The following SUMF1 variants were observed in gnomAD, a reference collection of about 807,000 sequenced individuals.
The protein encoded by SUMF1 is sulfatase modifying factor 1, also known as formylglycine-generating enzyme.
In SUMF1, 48 loss-of-function variants were observed where a neutral mutation model predicts 47.6. That is an observed-to-expected ratio of 1.01 (90% CI 0.80 to 1.28). The LOEUF (loss-of-function observed/expected upper bound fraction) is 1.28. Ranked by LOEUF, SUMF1 falls within the 50% of genes most tolerant of loss-of-function variation. SUMF1 has a pLI of 0.00. For synonymous variants in SUMF1, 230 were observed against 192.1 expected (o/e 1.20, Z -1.63); for missense variants, 571 against 485.4 (o/e 1.18, Z -1.66).
chr3:4,399,466 G>A (rs1323104593), intron 7 of SUMF1, among the ~76,000 whole-genome samples: 3 of 152,204 alleles, frequency 2.0e-5, no homozygotes, highest in Non-Finnish European at 2.9e-5. Flanking sequence ...GTGAGAAAAT[G>A]TAAAGAAGAG....
intron 9 of SUMF1, among the ~76,000 whole-genome samples, chr3:4,060,229 C>A (rs1695255335): frequency 6.6e-6 from 1 of 152,178 alleles, no homozygotes; most frequent in Non-Finnish European, 1.5e-5. Context: ...TCTGAACTTA[C>A]ATGACATCAT....
At chr3:4,081,114 T>C (rs1692550774) in intron 8 of SUMF1, among the ~76,000 whole-genome samples, 1 of 152,132 alleles carries the variant, frequency 6.6e-6, no homozygotes, top group South Asian at 2.1e-4. Context: ...ACCTCACTTT[T>C]CAACTTATGT....
At chr3:4,274,108 A>AAAACAAACAAAC (rs760051095) in intron 8 of SUMF1, among the ~76,000 whole-genome samples, 5 of 152,114 alleles carry the variant, frequency 3.3e-5, no homozygotes, top group Non-Finnish European at 5.9e-5. Context: ...AGTCATACTA[A>AAAACAAACAAAC]AAACAAACAA....
chr3:4,039,619 T>C (rs1694872305), intron 9 of SUMF1, among the ~76,000 whole-genome samples: 1 of 148,080 alleles, frequency 6.8e-6, no homozygotes. Context: ...ATCCAGTCTA[T>C]CATTGTTGGA....
chr3:4,455,828 T>C (rs527345838), intron 1 of SUMF1, among the ~76,000 whole-genome samples: 4 of 152,312 alleles, frequency 2.6e-5, no homozygotes, highest in Admixed American at 2.6e-4. Flanking sequence ...TCTCAAATTC[T>C]TCCATAAAAT....
chr3:4,168,665 C>T (rs1643870196), intron 8 of SUMF1, among the ~76,000 whole-genome samples: 1 of 152,036 alleles, frequency 6.6e-6, no homozygotes, highest in Non-Finnish European at 1.5e-5. Flanking sequence ...GGGTAAAAAT[C>T]TCTATTTTGC....
At chr3:4,175,376 C>T (rs1694936011) in intron 8 of SUMF1, among the ~76,000 whole-genome samples, 1 of 152,128 alleles carries the variant, frequency 6.6e-6, no homozygotes, top group African/African-American at 2.4e-5. Flanking sequence ...GCTGCCTCTG[C>T]TGGTGATACC....
chr3:4,347,597 G>C (rs1699399212), intron 8 of SUMF1, among the ~76,000 whole-genome samples: 1 of 152,196 alleles, frequency 6.6e-6, no homozygotes, highest in Admixed American at 6.5e-5. Flanking sequence ...GCAAAAGCTA[G>C]AAGCATTCCC....
At chr3:4,356,907 G>A (rs892445169), downstream of SUMF1, among the ~76,000 whole-genome samples, 10 of 152,178 alleles carry the variant, frequency 6.6e-5, no homozygotes, top group Non-Finnish European at 8.8e-5. Context: ...CTGTTCACAC[G>A]TCTTGCCTGG....
chr3:4,465,974 G>C (rs1320931902), intron 1 of SUMF1, among the ~76,000 whole-genome samples: 3 of 152,188 alleles, frequency 2.0e-5, no homozygotes, highest in Non-Finnish European at 2.9e-5. Flanking sequence ...ATGGGAAAAG[G>C]ATAGTGTCTG....
rs147632873 is a variant in SUMF1 at position 4,463,220 on chromosome 3, G to A, written c.270+3756C>T. ...CTAGCACTACATTAGGGCTGGGCGCGGTGGCTCACGCCTGTAATCCCAGCA... is the reference window on the plus strand; with the variant it reads ...CTAGCACTACATTAGGGCTGGGCGCAGTGGCTCACGCCTGTAATCCCAGCA... On this transcript the variant is annotated intron_variant, in intron 1 of 8. Transcript: ENST00000272902. Among the ~76,000 whole-genome samples the A allele has an allele frequency of 6.0e-3, 912 of 152,292 alleles. 2 individuals are homozygous for A. Among genetic ancestry groups the A allele is most frequent in the Non-Finnish European group, 0.011 (740 of 68,018 alleles).
intron 8 of SUMF1, among the ~76,000 whole-genome samples, chr3:4,097,226 T>C (rs927291701): frequency 6.6e-6 from 1 of 152,134 alleles, no homozygotes; most frequent in Non-Finnish European, 1.5e-5. Context: ...GCAACCTAAA[T>C]ATACCTACTG....
intron 8 of SUMF1, among the ~76,000 whole-genome samples, chr3:4,250,441 A>T (rs1559612768): frequency 6.6e-6 from 1 of 152,158 alleles, no homozygotes; most frequent in Non-Finnish European, 1.5e-5. Context: ...AAGAAGCAAG[A>T]GCGGATGGAG....
chr3:4,256,803 AC>A (rs1483899238), intron 8 of SUMF1, among the ~76,000 whole-genome samples: 1 of 150,498 alleles, frequency 6.6e-6, no homozygotes, highest in African/African-American at 2.4e-5. Flanking sequence ...CAGAGACACA[AC>A]CAAAAAAGAG....
chr3:4,273,270 T>TTTTTGC (rs1697339673), intron 8 of SUMF1, among the ~76,000 whole-genome samples: 1 of 152,066 alleles, frequency 6.6e-6, no homozygotes, highest in Non-Finnish European at 1.5e-5. Context: ...ATGGAAACAT[T>TTTTTGC]CCAAGTTCTA....
At chr3:4,044,621 G>A (rs1694973308) in intron 9 of SUMF1, among the ~76,000 whole-genome samples, 1 of 152,218 alleles carries the variant, frequency 6.6e-6, no homozygotes, top group South Asian at 2.1e-4. Context: ...CCTCAGGCTG[G>A]AAGTAAATGT....
chr3:4,327,426 G>A (rs577530474), intron 8 of SUMF1, among the ~76,000 whole-genome samples: 11 of 152,184 alleles, frequency 7.2e-5, no homozygotes, highest in Middle Eastern at 3.4e-3. Flanking sequence ...TTCTGTAGCC[G>A]ACTATAAACA....
chr3:4,055,350 A>T lies in SUMF1; in HGVS notation c.1191+13219T>A, dbSNP rs190154150. Among the ~76,000 whole-genome samples, 252 of 152,280 alleles carry T rather than the reference A, an allele frequency of 1.7e-3. 1 individual carries two copies. Among genetic ancestry groups the T allele is most frequent in the African/African-American group, 5.6e-3 (232 of 41,566 alleles). ...CCAAGTTATTATCCTGTATTAATAT[A>T]TTGACTCTTTATAATAGCTCTATTT... On this transcript the variant is annotated intron_variant and NMD_transcript_variant, in intron 9 of 12. Transcript: ENST00000448413.
chr3:4,153,711 A>G (rs1241032408), intron 8 of SUMF1, among the ~76,000 whole-genome samples: 1 of 151,518 alleles, frequency 6.6e-6, no homozygotes, highest in East Asian at 1.9e-4. Flanking sequence ...TAACTACATT[A>G]CCATTCACCT....
Sources: gnomAD v4.1 joint callset for allele counts (sites outside exome capture counted in the v4.1 genomes callset) on GRCh38, gnomAD v4.1.1 for gene constraint, MANE v1.5 for transcripts, NCBI Gene and HGNC (gene_info 2026-07-23, HGNC 2026-07-21) for gene names.